Variants in RPE observed in about 807,000 individuals in gnomAD.
The protein encoded by RPE is ribulose-5-phosphate-3-epimerase.
Under a neutral mutation model 24.6 loss-of-function variants are expected in RPE, and 16 were observed. The observed-to-expected ratio is 0.65, with a 90% CI of 0.44 to 0.99. The LOEUF is 0.99. RPE is among the 50% of genes least tolerant of loss of function. The pLI is 0.00. For synonymous variants in RPE, 93 were observed against 98.4 expected (o/e 0.94, Z 0.33); for missense variants, 240 against 294.5 (o/e 0.81, Z 1.35).
rs1270574264 is a variant in RPE, at chr2:210,017,733, C to CTTT, written c.564+195_564+197dup. The CTTT allele has an allele frequency of 5.7e-3, 1,690 of 297,606 alleles. 31 individuals carry two copies. Among genetic ancestry groups the CTTT allele is most frequent in the South Asian group, 9.5e-3 (341 of 36,002 alleles). The allele number at this position is 297,606 out of a possible 1,614,324, so 18.4% of individuals were successfully genotyped here. ...AAATAAACAGCCATAAGTGGATATGCTTTTTTTTTTTTTTTTTTTTTTTCT... is the reference window on the plus strand; with the variant it reads ...AAATAAACAGCCATAAGTGGATATGCTTTTTTTTTTTTTTTTTTTTTTTTTTCT... On this transcript the variant is annotated intron_variant, in intron 5 of 5. Coordinates refer to ENST00000359429, the MANE Select transcript of RPE (RefSeq NM_199229.3).
chr2:210,004,441 T>G (rs1337839243), intron 1 of RPE, among the ~76,000 whole-genome samples: 1 of 152,240 alleles, frequency 6.6e-6, no homozygotes, highest in Non-Finnish European at 1.5e-5. Context: ...TTAAGTCATC[T>G]GCCAGTGGTC....
intron 2 of RPE, among the ~76,000 whole-genome samples, chr2:210,011,421 C>A (rs988820772): frequency 6.6e-6 from 1 of 151,934 alleles, no homozygotes; most frequent in Non-Finnish European, 1.5e-5. Flanking sequence ...TTCCCCTTTT[C>A]GCTCCCTTTT....
intron 2 of RPE, among the ~76,000 whole-genome samples, chr2:210,014,100 T>G (rs1237116394): frequency 1.4e-5 from 2 of 139,070 alleles, no homozygotes; most frequent in Non-Finnish European, 3.0e-5. Flanking sequence ...TTGTTTTTTG[T>G]TTTTTTTTTG....
rs2093834909 is a variant in RPE, at chr2:210,019,815, T to G, written c.*24T>G. On this transcript the variant is annotated 3_prime_UTR_variant, in exon 6 of 6. Transcript: ENST00000359429. ...GAAACCATAAGGAGCCCAGTGTTCC[T>G]GTTCATGAAATCTCCCTTTTACTGG... 1 of 1,603,672 alleles carries G rather than the reference T, an allele frequency of 6.2e-7. No homozygotes were observed. The highest frequency in any genetic ancestry group is 1.7e-5 in the Admixed American group (1 of 58,238).
intron 2 of RPE, among the ~76,000 whole-genome samples, chr2:210,014,957 A>C (rs1435685886): frequency 1.3e-5 from 2 of 152,192 alleles, no homozygotes; most frequent in Non-Finnish European, 2.9e-5. Flanking sequence ...TATGTTTTAA[A>C]TCAAGATCTT....
At chr2:210,018,420 A>G (rs1246977610) in intron 5 of RPE, 1 of 982,502 alleles carries the variant, frequency 1.0e-6, no homozygotes, top group African/African-American at 1.8e-5. Flanking sequence ...TCAGATAGCT[A>G]GTCTAGCATA....
At chr2:210,017,043 C>T (rs1361904349) in intron 4 of RPE, among the ~76,000 whole-genome samples, 2 of 152,158 alleles carry the variant, frequency 1.3e-5, no homozygotes, top group African/African-American at 4.8e-5. Context: ...GGAGGTCTCA[C>T]TACGTACCCA....
chr2:210,016,279 C>G (rs776890139), intron 3 of RPE, 167 bp downstream of exon 3: 1 of 1,612,570 alleles, frequency 6.2e-7, no homozygotes, highest in Non-Finnish European at 8.5e-7. Flanking sequence ...CTTACTTAAG[C>G]AGCTGTTCTT....
intron 5 of RPE, 193 bp downstream of exon 5, chr2:210,017,752 T>TC: frequency 1.6e-6 from 1 of 623,622 alleles, no homozygotes. Flanking sequence ...TTTTTTTTTT[T>TC]TTTTCTTTTT....
Position 210,016,645 on chromosome 2 carries a change from A to G in RPE, c.477+4A>G. The G allele has an allele frequency of 6.2e-7, 1 of 1,614,196 alleles. No homozygotes were observed. The highest frequency in any genetic ancestry group is 8.5e-7 in the Non-Finnish European group (1 of 1,180,036). On this transcript the variant is annotated splice_donor_region_variant and intron_variant, in intron 4 of 5. Coordinates refer to ENST00000359429, the MANE Select transcript of RPE (RefSeq NM_199229.3). ...CATGGAAGATATGATGCCAAAGGTAAAAGAAGTATTTGATTTTGGGGTGAG... is the reference window on the plus strand; with the variant it reads ...CATGGAAGATATGATGCCAAAGGTAGAAGAAGTATTTGATTTTGGGGTGAG...
chr2:210,009,531 G>C, intron 1 of RPE, 126 bp from the exon 2 acceptor site: 2 of 1,273,626 alleles, frequency 1.6e-6, no homozygotes, highest in Non-Finnish European at 2.3e-6. Flanking sequence ...ATTTAATACT[G>C]ATGATTAAGT....
At position 210,017,548 on chromosome 2, in the gene RPE, A is replaced by G; in HGVS notation, c.553A>G (p.Lys185Glu). 6.2e-7 allele frequency: 1 copy of G among 1,613,900 alleles called. No homozygotes were observed. Among genetic ancestry groups the G allele is most frequent in the African/African-American group, 1.3e-5 (1 of 74,942 alleles). Residue 185 changes from lysine to glutamate, a missense_variant, in exon 5 of 6, where the codon AAA becomes GAA. Transcript: ENST00000359429. Reference protein sequence around the residue: ...DGGVGPDTVHKCAEAGANMIV... With the variant: ...DGGVGPDTVHECAEAGANMIV... The stretch of plus-strand genomic sequence containing the variant: ...TGGAGTAGGTCCTGACACTGTCCAT[A>G]AATGTGCAGAGGTGAGATTGCTCTT...
In RPE at chr2:210,017,997, G is replaced by A. The variant is rs1405953315; in HGVS notation, c.564+438G>A. On this transcript the variant is annotated intron_variant, in intron 5 of 5. Transcript: ENST00000359429. The stretch of plus-strand genomic sequence containing the variant: ...TGACCTCAAGTGACCTGCCTGCCTC[G>A]GCCTCCCAAAGTGTTGGGATTACAG... 5.5e-6 allele frequency: 4 copies of A among 728,452 alleles called. No individual in the cohort carries two copies. In the South Asian group the frequency reaches 5.9e-5, roughly 11 times the overall value. 45.1% of individuals were successfully genotyped at this position (728,452 alleles called of 1,614,324 possible). A position where few individuals can be genotyped will look rare whatever the true frequency, so the allele number is the denominator to read the frequency against.
chr2:210,016,222 G>T (rs2093769653), intron 3 of RPE, 110 bp downstream of exon 3: 2 of 1,613,936 alleles, frequency 1.2e-6, no homozygotes, highest in African/African-American at 1.3e-5. Flanking sequence ...TGTCACCCAG[G>T]CTGAAGTGCA....
At chr2:210,015,302 C>T (rs777721717) in intron 2 of RPE, among the ~76,000 whole-genome samples, 10 of 152,218 alleles carry the variant, frequency 6.6e-5, no homozygotes, top group Non-Finnish European at 1.3e-4. Context: ...GTAGCTTCCT[C>T]AGTCGATAGT....
intron 3 of RPE, 134 bp from the exon 4 acceptor site, chr2:210,016,373 A>G: frequency 6.4e-7 from 1 of 1,562,090 alleles, no homozygotes; most frequent in Non-Finnish European, 8.6e-7. Flanking sequence ...CTGCTTGTTG[A>G]AAATACTTAC....
At chr2:210,009,537 TA>T in intron 1 of RPE, 119 bp from the exon 2 acceptor site, 1 of 1,338,170 alleles carries the variant, frequency 7.5e-7, no homozygotes. Flanking sequence ...TACTGATGAT[TA>T]AGTATTAAAT....
At chr2:210,005,885 C>T (rs1050998584) in intron 1 of RPE, among the ~76,000 whole-genome samples, 12 of 152,196 alleles carry the variant, frequency 7.9e-5, no homozygotes, top group Non-Finnish European at 1.5e-4. Context: ...CTCTAATCCT[C>T]CTCTTACCAT....
chr2:210,009,915 A>G (rs1031516226), intron 2 of RPE, among the ~76,000 whole-genome samples, 179 bp downstream of exon 2: 17 of 152,134 alleles, frequency 1.1e-4, no homozygotes, highest in Admixed American at 9.8e-4. Flanking sequence ...GCCTTGGCTA[A>G]TCTGCATGGA....
Sources: gnomAD v4.1 joint callset for allele counts (sites outside exome capture counted in the v4.1 genomes callset) on GRCh38, gnomAD v4.1.1 for gene constraint, MANE v1.5 for transcripts, NCBI Gene and HGNC (gene_info 2026-07-23, HGNC 2026-07-21) for gene names.